The following GALNT17 variants were observed in gnomAD, a reference collection of about 807,000 sequenced individuals.
GALNT17 encodes polypeptide N-acetylgalactosaminyltransferase 17.
In GALNT17, 29 loss-of-function variants were observed where a neutral mutation model predicts 63.7. The observed-to-expected ratio is 0.46, with a 90% CI of 0.34 to 0.62. The LOEUF (loss-of-function observed/expected upper bound fraction) is 0.62, where lower values mean the gene tolerates loss of function less well. Among genes scored for constraint, GALNT17 ranks in the 20% least tolerant of loss-of-function variants. The pLI is 0.01. For synonymous variants in GALNT17, 305 were observed against 318.3 expected (o/e 0.96, Z 0.45); for missense variants, 603 against 799.6 (o/e 0.75, Z 2.97).
intron 6 of GALNT17, among the ~76,000 whole-genome samples, chr7:71,638,317 A>G (rs575333960): frequency 6.6e-6 from 1 of 152,234 alleles, no homozygotes; most frequent in East Asian, 1.9e-4. Context: ...CCAACCTCCT[A>G]TCTCATCCTG....
At chr7:71,427,842 C>T (rs1167354783) in intron 5 of GALNT17, among the ~76,000 whole-genome samples, 1 of 152,138 alleles carries the variant, frequency 6.6e-6, no homozygotes, top group Non-Finnish European at 1.5e-5. Flanking sequence ...ATTCGATTCT[C>T]ATAGGAGCAC....
chr7:71,146,560 T>C (rs1788027283), intron 1 of GALNT17, among the ~76,000 whole-genome samples: 1 of 152,076 alleles, frequency 6.6e-6, no homozygotes, highest in Admixed American at 6.6e-5. Context: ...TGGGAAGAAG[T>C]CCAGGGAGAG....
At chr7:71,304,482 GT>G (rs2115898951) in intron 1 of GALNT17, among the ~76,000 whole-genome samples, 1 of 152,202 alleles carries the variant, frequency 6.6e-6, no homozygotes, top group South Asian at 2.1e-4. Context: ...AACGGAGAAG[GT>G]TTTGATGACA....
intron 1 of GALNT17, among the ~76,000 whole-genome samples, chr7:71,134,133 G>C (rs1363724415): frequency 1.3e-5 from 2 of 152,188 alleles, no homozygotes; most frequent in Non-Finnish European, 2.9e-5. Context: ...GGTTAACTAA[G>C]TTGCCCTGTG....
chr7:71,138,373 A>G (rs1228313132), intron 1 of GALNT17, among the ~76,000 whole-genome samples: 1 of 152,134 alleles, frequency 6.6e-6, no homozygotes, highest in East Asian at 1.9e-4. Flanking sequence ...TTAATTGAGT[A>G]GAAGTGGATT....
At chr7:71,658,132 C>G (rs978685481) in intron 6 of GALNT17, among the ~76,000 whole-genome samples, 2 of 152,174 alleles carry the variant, frequency 1.3e-5, no homozygotes, top group Non-Finnish European at 2.9e-5. Context: ...GTCTTGAACT[C>G]CTGGCCTCAA....
chr7:71,347,769 A>G (rs1359201943), intron 2 of GALNT17, among the ~76,000 whole-genome samples: 2 of 152,096 alleles, frequency 1.3e-5, no homozygotes, highest in African/African-American at 2.4e-5. Context: ...CACAGCCAAC[A>G]TATTGAGGAA....
At chr7:71,530,628 C>T (rs1329718746) in intron 5 of GALNT17, among the ~76,000 whole-genome samples, 1 of 151,872 alleles carries the variant, frequency 6.6e-6, no homozygotes, top group Non-Finnish European at 1.5e-5. Flanking sequence ...GGCTGGAGTG[C>T]AGTGGCGCCA....
At chr7:71,154,776 C>CATGT (rs1373388621) in intron 1 of GALNT17, among the ~76,000 whole-genome samples, 1 of 151,578 alleles carries the variant, frequency 6.6e-6, no homozygotes, top group African/African-American at 2.4e-5. Context: ...TGGGGTTTCA[C>CATGT]TGTCTTAGCC....
intron 6 of GALNT17, among the ~76,000 whole-genome samples, chr7:71,642,787 A>T (rs535563035): frequency 4.1e-4 from 63 of 152,142 alleles, no homozygotes; most frequent in African/African-American, 1.5e-3. Context: ...GTGAGCTGAG[A>T]TTACACCACT....
chr7:71,530,684 C>T (rs1398636424), intron 5 of GALNT17, among the ~76,000 whole-genome samples: 3 of 152,132 alleles, frequency 2.0e-5, no homozygotes, highest in African/African-American at 4.8e-5. Context: ...TCTCCTGCCT[C>T]AGCCTCCCAA....
chr7:71,173,227 G>A (rs368543222), intron 1 of GALNT17, among the ~76,000 whole-genome samples: 231 of 152,234 alleles, frequency 1.5e-3, no homozygotes, highest in African/African-American at 5.3e-3. Context: ...GGGACCCTCA[G>A]GGACCGTCAG....
At chr7:71,258,560 A>G (rs2115606052) in intron 1 of GALNT17, among the ~76,000 whole-genome samples, 1 of 152,368 alleles carries the variant, frequency 6.6e-6, no homozygotes, top group South Asian at 2.1e-4. Flanking sequence ...GCTGATAGAC[A>G]CATGTATAGA....
intron 5 of GALNT17, among the ~76,000 whole-genome samples, chr7:71,446,258 T>A (rs1787158862): frequency 6.6e-6 from 1 of 152,178 alleles, no homozygotes; most frequent in Non-Finnish European, 1.5e-5. Flanking sequence ...ATACTTTTTT[T>A]ATTATGTATT....
At chr7:71,608,218 G>T (rs573303501) in intron 6 of GALNT17, among the ~76,000 whole-genome samples, 1 of 152,204 alleles carries the variant, frequency 6.6e-6, no homozygotes. Context: ...CCTGAATCTG[G>T]CTTTCAGGTC....
intron 1 of GALNT17, among the ~76,000 whole-genome samples, chr7:71,318,411 C>CTTTTTTT (rs747726741): frequency 1.5e-5 from 2 of 134,396 alleles, no homozygotes; most frequent in Non-Finnish European, 3.1e-5. Flanking sequence ...CCCTGAAGCT[C>CTTTTTTT]TTTTTTTTTT....
chr7:71,357,351 C>T (rs1792306433), intron 2 of GALNT17, among the ~76,000 whole-genome samples: 1 of 152,114 alleles, frequency 6.6e-6, no homozygotes, highest in South Asian at 2.1e-4. Flanking sequence ...GCATTGCACG[C>T]TCCTTATGAA....
chr7:71,143,939 C>A (rs1787966262), intron 1 of GALNT17, among the ~76,000 whole-genome samples: 2 of 151,950 alleles, frequency 1.3e-5, no homozygotes, highest in South Asian at 4.2e-4. Flanking sequence ...CGTGGCTGGC[C>A]CTGCCATTCC....
intron 5 of GALNT17, among the ~76,000 whole-genome samples, chr7:71,554,240 C>T (rs1378665353): frequency 6.6e-6 from 1 of 152,146 alleles, no homozygotes; most frequent in African/African-American, 2.4e-5. Flanking sequence ...TAGTTGAATC[C>T]TGGGGACGGG....
Sources: allele counts gnomAD v4.1 joint callset (sites outside exome capture counted in the v4.1 genomes callset), GRCh38; gene constraint gnomAD v4.1.1; transcripts MANE v1.5; gene names NCBI Gene and HGNC (gene_info 2026-07-23, HGNC 2026-07-21).